Variants in CYSLTR1 observed in about 807,000 individuals in gnomAD.
CYSLTR1 encodes the protein cysteinyl leukotriene receptor 1.
CYSLTR1 carries 1 observed loss-of-function variant against 2.1 expected under a neutral mutation model. The ratio of observed to expected loss-of-function variants is 0.48; its 90% CI spans 0.17 to 2.28. CYSLTR1 has a LOEUF of 2.28. CYSLTR1 is among the 30% of genes most tolerant of loss of function. CYSLTR1 has a pLI of 0.26. For synonymous variants in CYSLTR1, 110 were observed against 89.6 expected (o/e 1.23, Z -1.28); for missense variants, 299 against 250.1 (o/e 1.20, Z -1.32).
At chrX:78,317,197 A>C (rs1223464856) in intron 1 of CYSLTR1, among the ~76,000 whole-genome samples, 2 of 112,780 alleles carry the variant, frequency 1.8e-5, no homozygotes, top group African/African-American at 6.4e-5. Context: ...AATTCTCAAA[A>C]GAAGATATAC....
Position 78,298,853 on chromosome X carries a change from A to G in CYSLTR1, c.-114-15313T>C, listed in dbSNP as rs142556221. On this transcript the variant is annotated intron_variant, in intron 1 of 2. Coordinates refer to ENST00000373304, the MANE Select transcript of CYSLTR1 (RefSeq NM_006639.4). ...GCCAGTCTATGTCTTTGGATTGGAG[A>G]GTTTAGTTCATATACATTCAATGTC... Among the ~76,000 whole-genome samples the G allele has an allele frequency of 7.6e-4, 84 of 110,728 alleles. 1 individual carries two copies. In the East Asian group the frequency reaches 0.017, roughly 22 times the overall value.
chrX:78,275,114 C>T (rs1400985137), intron 2 of CYSLTR1, among the ~76,000 whole-genome samples: 2 of 111,904 alleles, frequency 1.8e-5, no homozygotes, highest in Admixed American at 1.9e-4. Flanking sequence ...AATAGGAACA[C>T]TTTTGCACTG....
chrX:78,283,290 A>G (rs759812354), intron 2 of CYSLTR1, among the ~76,000 whole-genome samples, 164 bp downstream of exon 2: 21 of 112,256 alleles, frequency 1.9e-4, no homozygotes, highest in African/African-American at 6.5e-4. Flanking sequence ...GTTACAATAC[A>G]GTATTGTAAA....
intron 1 of CYSLTR1, among the ~76,000 whole-genome samples, chrX:78,294,224 C>A (rs1312404100): frequency 8.9e-6 from 1 of 112,697 alleles, no homozygotes; most frequent in African/African-American, 3.2e-5. Flanking sequence ...CCATCAGCTG[C>A]AGGTCTGCTG....
chrX:78,315,650 GC>G (rs767267821), intron 1 of CYSLTR1, among the ~76,000 whole-genome samples: 2 of 111,488 alleles, frequency 1.8e-5, no homozygotes, highest in Non-Finnish European at 3.8e-5. Context: ...AGTTATGGTG[GC>G]CATGAGATGA....
chrX:78,276,456 G>T (rs1419339297), intron 2 of CYSLTR1, among the ~76,000 whole-genome samples: 1 of 110,662 alleles, frequency 9.0e-6, no homozygotes, highest in Non-Finnish European at 1.9e-5. Context: ...AAAACTGCCA[G>T]CCATGAAGGG....
chrX:78,275,912 T>A (rs1228901795), intron 2 of CYSLTR1, among the ~76,000 whole-genome samples: 2 of 111,484 alleles, frequency 1.8e-5, no homozygotes, highest in African/African-American at 6.5e-5. Context: ...CAGAACTCCA[T>A]GGTAAGAGAA....
At chrX:78,303,240 C>T (rs927211832) in intron 1 of CYSLTR1, among the ~76,000 whole-genome samples, 2 of 111,472 alleles carry the variant, frequency 1.8e-5, no homozygotes, top group Non-Finnish European at 3.8e-5. Flanking sequence ...TTGCTGCTCT[C>T]TCTCTTCCCG....
chrX:78,294,377 A>G, intron 1 of CYSLTR1, among the ~76,000 whole-genome samples: 1 of 112,474 alleles, frequency 8.9e-6, no homozygotes, highest in Non-Finnish European at 1.9e-5. Flanking sequence ...ACTCACCTGT[A>G]TGAGGTGTCT....
intron 1 of CYSLTR1, among the ~76,000 whole-genome samples, 197 bp from the exon 2 acceptor site, chrX:78,283,737 C>T (rs1300145473): frequency 8.9e-6 from 1 of 112,052 alleles, no homozygotes; most frequent in East Asian, 2.8e-4. Flanking sequence ...CAGGGGGAAA[C>T]TTGGAATACA....
At chrX:78,277,121 A>C (rs1178117845) in intron 2 of CYSLTR1, among the ~76,000 whole-genome samples, 1 of 111,340 alleles carries the variant, frequency 9.0e-6, no homozygotes, top group Non-Finnish European at 1.9e-5. Context: ...ATAGTGGAGC[A>C]TGGCCACGGT....
Position 78,272,880 on chromosome X carries a change from G to A in CYSLTR1, c.867C>T (p.Cys289=). ...AAAAGAAATATAGGAGAGGGTCAAA[G>A]CAACAATTGGATGCAGCCAGAGACA... The part of the protein sequence containing the change: ...ITLSLAASNC[C]FDPLLYFFSG... The change falls in exon 3 of 3, where the codon TGC becomes TGT. Residue 289 remains cysteine, a synonymous_variant. Transcript: ENST00000373304. The A allele has an allele frequency of 1.7e-6, 2 of 1,211,344 alleles. No individual in the cohort carries two copies. The highest frequency in any genetic ancestry group is 3.5e-5 in the South Asian group (2 of 56,951).
rs41300255 is a variant in CYSLTR1 at position 78,273,830 on chromosome X, C to A, written c.-27-57G>T. 9.0e-6 allele frequency: 9 copies of A among 994,955 alleles called. No individual in the cohort carries two copies. In the South Asian group the frequency reaches 1.2e-4, roughly 13 times the overall value. The allele number at this position is 994,955 out of a possible 1,213,427, so 82.0% of individuals were successfully genotyped here. A position where few individuals can be genotyped will look rare whatever the true frequency, so the allele number is the denominator to read the frequency against. ...ACTAGACCATAAATTACAGGAAGTA[C>A]TAATGTTTTATTTCATAGTGTCACT... On this transcript the variant is annotated intron_variant, in intron 2 of 2. Transcript: ENST00000373304.
intron 1 of CYSLTR1, among the ~76,000 whole-genome samples, chrX:78,299,695 C>A (rs771000220): frequency 1.2e-3 from 136 of 111,279 alleles, no homozygotes; most frequent in Non-Finnish European, 2.1e-3. Flanking sequence ...TGTTACTTTT[C>A]TCATATTGTT....
At chrX:78,279,273 G>C (rs766497859) in intron 2 of CYSLTR1, among the ~76,000 whole-genome samples, 5 of 110,369 alleles carry the variant, frequency 4.5e-5, no homozygotes, top group African/African-American at 6.6e-5. Context: ...AAAAAAACCT[G>C]TTAAAAAAAT....
chrX:78,292,316 G>T (rs1180170959), intron 1 of CYSLTR1, among the ~76,000 whole-genome samples: 1 of 112,142 alleles, frequency 8.9e-6, no homozygotes, highest in Non-Finnish European at 1.9e-5. Flanking sequence ...TAATTTGATT[G>T]CACTGTTGTC....
intron 1 of CYSLTR1, chrX:78,318,960 C>A (rs1923528304): frequency 9.2e-6 from 1 of 108,664 alleles, no homozygotes; most frequent in Admixed American, 9.9e-5. Flanking sequence ...ATCTATGCAT[C>A]CTCTTTCACA....
At chrX:78,322,433 C>T (rs1161854491) in intron 1 of CYSLTR1, among the ~76,000 whole-genome samples, 2 of 111,654 alleles carry the variant, frequency 1.8e-5, no homozygotes, top group East Asian at 5.6e-4. Context: ...TTGACCACAC[C>T]ACCCCACAAT....
intron 1 of CYSLTR1, among the ~76,000 whole-genome samples, chrX:78,318,390 C>T (rs770302784): frequency 4.0e-4 from 44 of 111,156 alleles, no homozygotes; most frequent in African/African-American, 1.1e-3. Flanking sequence ...TATTGGAGGG[C>T]GGAGGATGGG....
Sources: allele counts gnomAD v4.1 joint callset (sites outside exome capture counted in the v4.1 genomes callset), GRCh38; gene constraint gnomAD v4.1.1; transcripts MANE v1.5; gene names NCBI Gene and HGNC (gene_info 2026-07-23, HGNC 2026-07-21).